Variants in LYRM4 observed in about 807,000 individuals in gnomAD.
LYRM4 encodes LYR motif containing 4, also known as LYR motif-containing protein 4.
In LYRM4, 9 loss-of-function variants were observed where a neutral mutation model predicts 11.7. That is an observed-to-expected ratio of 0.77 (90% CI 0.46 to 1.34). The LOEUF (loss-of-function observed/expected upper bound fraction) is 1.34. Among genes scored for constraint, LYRM4 ranks in the 40% most tolerant of loss-of-function variants. LYRM4 has a pLI of 0.00. For missense variants in LYRM4, 133 were observed against 112.5 expected (o/e 1.18, Z -0.82); for synonymous variants, 42 against 40.4 (o/e 1.04, Z -0.15).
intron 1 of LYRM4, among the ~76,000 whole-genome samples, chr6:5,253,833 CA>C (rs59576268): frequency 0.52 from 72,141 of 137,422 alleles, 17,919 homozygotes; most frequent in South Asian, 0.65. Context: ...TCATGCTGAG[CA>C]AAAAAAAAAA....
chr6:5,256,997 A>G (rs569243468), intron 1 of LYRM4, among the ~76,000 whole-genome samples: 7 of 152,224 alleles, frequency 4.6e-5, no homozygotes, highest in Admixed American at 2.0e-4. Context: ...ATTCTTCTCT[A>G]TCTTCCACTA....
chr6:5,182,609 T>C (rs1336627269), intron 2 of LYRM4, among the ~76,000 whole-genome samples: 1 of 152,252 alleles, frequency 6.6e-6, no homozygotes, highest in Non-Finnish European at 1.5e-5. Context: ...ATCTCTCTCT[T>C]CATCCTAAGA....
the LYRM4 span, chr6:5,033,851 A>G: frequency 6.6e-6 from 1 of 152,260 alleles, no homozygotes; most frequent in Non-Finnish European, 1.5e-5. Flanking sequence ...TGTAAACCAA[A>G]TCAATACTTG....
the LYRM4 span, among the ~76,000 whole-genome samples, chr6:5,076,069 T>C: frequency 6.6e-6 from 1 of 152,040 alleles, no homozygotes; most frequent in South Asian, 2.1e-4. Context: ...CTCAGCCTCC[T>C]TAGTAGCTGG....
At chr6:5,077,760 T>G in the LYRM4 span, among the ~76,000 whole-genome samples, 585 of 152,302 alleles carry the variant, frequency 3.8e-3, 4 homozygotes, top group South Asian at 0.016. Flanking sequence ...GGTGGAAATA[T>G]TCTAAGAATT....
chr6:5,166,879 A>G (rs1759117495), intron 2 of LYRM4, among the ~76,000 whole-genome samples: 1 of 152,258 alleles, frequency 6.6e-6, no homozygotes, highest in Non-Finnish European at 1.5e-5. Flanking sequence ...AGAAACAAAC[A>G]ACACGTATAT....
At chr6:5,145,703 T>G (rs954047845) in intron 2 of LYRM4, among the ~76,000 whole-genome samples, 5 of 152,174 alleles carry the variant, frequency 3.3e-5, no homozygotes, top group Non-Finnish European at 7.3e-5. Flanking sequence ...TATGAAATGG[T>G]AGAAAACATC....
intron 2 of LYRM4, 72 bp from the exon 3 acceptor site, chr6:5,109,563 TTC>T (rs1306667745): frequency 4.8e-6 from 7 of 1,447,926 alleles, no homozygotes; most frequent in Non-Finnish European, 6.8e-6. Context: ...GAAGGAACAT[TTC>T]CTAACATTTC....
intron 2 of LYRM4, among the ~76,000 whole-genome samples, chr6:5,215,955 C>T (rs899377321): frequency 2.0e-5 from 3 of 152,196 alleles, no homozygotes; most frequent in Admixed American, 6.5e-5. Flanking sequence ...TAACCTCTGA[C>T]GTTCTAATTA....
intron 1 of LYRM4, among the ~76,000 whole-genome samples, chr6:5,232,291 T>C (rs562766423): frequency 1.6e-4 from 24 of 152,236 alleles, no homozygotes; most frequent in Non-Finnish European, 3.1e-4. Flanking sequence ...GCAATCACTC[T>C]GCAGAGCTCT....
chr6:5,219,525 C>A (rs1762461191), intron 1 of LYRM4, among the ~76,000 whole-genome samples: 1 of 152,198 alleles, frequency 6.6e-6, no homozygotes, highest in South Asian at 2.1e-4. Context: ...ATTTCACTGG[C>A]TCAGAACCAC....
the LYRM4 span, chr6:5,086,379 G>A: frequency 1.3e-6 from 2 of 1,536,162 alleles, no homozygotes; most frequent in South Asian, 1.2e-5. Flanking sequence ...CAGGCGCCGA[G>A]TGCTTCCACT....
chr6:5,205,487 G>A (rs563428761), intron 2 of LYRM4, among the ~76,000 whole-genome samples: 16 of 150,478 alleles, frequency 1.1e-4, no homozygotes, highest in Non-Finnish European at 2.1e-4. Context: ...GCCATTTTCC[G>A]AGTGGTTCCC....
chr6:5,258,660 G>A (rs940428791), intron 1 of LYRM4, among the ~76,000 whole-genome samples: 7 of 152,206 alleles, frequency 4.6e-5, no homozygotes, highest in Admixed American at 2.6e-4. Flanking sequence ...CAGGAATGTC[G>A]GTTTTTAGGT....
intron 2 of LYRM4, among the ~76,000 whole-genome samples, chr6:5,114,939 A>G (rs1395758439): frequency 2.0e-5 from 3 of 152,210 alleles, no homozygotes; most frequent in Non-Finnish European, 4.4e-5. Flanking sequence ...GTTAAATCAC[A>G]TATAGATTTA....
intron 1 of LYRM4, among the ~76,000 whole-genome samples, chr6:5,239,446 G>A (rs1454694280): frequency 6.6e-6 from 1 of 152,082 alleles, no homozygotes; most frequent in African/African-American, 2.4e-5. Flanking sequence ...AAATGGAGGG[G>A]AATCACTAGA....
intron 2 of LYRM4, among the ~76,000 whole-genome samples, chr6:5,118,117 T>TTTG (rs145676734): frequency 4.7e-5 from 2 of 42,424 alleles, no homozygotes; most frequent in African/African-American, 1.4e-4. Context: ...TTTGTTTTGT[T>TTTG]TTTTTTTTTG....
chr6:5,227,185 C>T (rs1013200191), intron 1 of LYRM4, among the ~76,000 whole-genome samples: 3 of 152,188 alleles, frequency 2.0e-5, no homozygotes, highest in Admixed American at 2.0e-4. Context: ...GAGGTTCAGA[C>T]TGTCGATAAA....
intron 2 of LYRM4, among the ~76,000 whole-genome samples, chr6:5,179,065 C>CAAAACAAAAAAA (rs1561851701): frequency 9.6e-6 from 1 of 103,904 alleles, no homozygotes; most frequent in African/African-American, 4.0e-5. Flanking sequence ...ACCAAAAAAA[C>CAAAACAAAAAAA]AAAAAAAAAA....
Sources: allele counts gnomAD v4.1 joint callset (sites outside exome capture counted in the v4.1 genomes callset), GRCh38; gene constraint gnomAD v4.1.1; transcripts MANE v1.5; gene names NCBI Gene and HGNC (gene_info 2026-07-23, HGNC 2026-07-21).